CLTCL1: variants seen among roughly 807,000 people sequenced by gnomAD.
CLTCL1 encodes the protein clathrin heavy chain like 1, also known as clathrin heavy chain 2.
Under a neutral mutation model 190.0 loss-of-function variants are expected in CLTCL1, and 159 were observed. That is an observed-to-expected ratio of 0.84 (90% CI 0.74 to 0.95). The LOEUF is 0.95. CLTCL1 is among the 40% of genes least tolerant of loss of function. The pLI is 0.00. For synonymous variants in CLTCL1, 752 were observed against 769.6 expected (o/e 0.98, Z 0.38); for missense variants, 1,878 against 2,033.4 (o/e 0.92, Z 1.47).
At chr22:19,221,091 G>A (rs1317562120) in intron 17 of CLTCL1, among the ~76,000 whole-genome samples, 5 of 152,178 alleles carry the variant, frequency 3.3e-5, no homozygotes, top group Non-Finnish European at 7.3e-5. Context: ...AGGAGCTCAC[G>A]AGTCAGGCCA....
intron 3 of CLTCL1, among the ~76,000 whole-genome samples, chr22:19,245,227 T>G (rs1369139101): frequency 1.5e-5 from 2 of 137,022 alleles, no homozygotes; most frequent in Admixed American, 1.6e-4. Context: ...AGTCTGGCTC[T>G]CTCTCACCCA....
At chr22:19,258,623 G>A in intron 2 of CLTCL1, 1 of 630,526 alleles carries the variant, frequency 1.6e-6, no homozygotes, top group Admixed American at 2.1e-5. Context: ...GGAACATCCA[G>A]GTCAATCTGG....
At chr22:19,246,173 C>CCTCA (rs1356822056) in intron 3 of CLTCL1, among the ~76,000 whole-genome samples, 9 of 152,074 alleles carry the variant, frequency 5.9e-5, no homozygotes, top group Non-Finnish European at 1.2e-4. Context: ...AATTCTCCTG[C>CCTCA]CTCAGCCTCC....
chr22:19,217,856 A>G (rs1412794585), intron 18 of CLTCL1, among the ~76,000 whole-genome samples: 1 of 150,932 alleles, frequency 6.6e-6, no homozygotes, highest in Non-Finnish European at 1.5e-5. Context: ...AAAAAGAGAA[A>G]AAAAAAAAAA....
chr22:19,194,447 A>T (rs1372630166), intron 26 of CLTCL1, among the ~76,000 whole-genome samples: 2 of 152,180 alleles, frequency 1.3e-5, no homozygotes, highest in African/African-American at 4.8e-5. Context: ...GCGCCACTGC[A>T]CTCCAGCCTG....
rs1259089704 is a variant in CLTCL1, at chr22:19,242,659, C to T, written c.681+116G>A. 5.2e-5 allele frequency: 60 copies of T among 1,161,816 alleles called. No individual in the cohort carries two copies. In the East Asian group the frequency reaches 1.2e-3, roughly 24 times the overall value. The allele number at this position is 1,161,816 out of a possible 1,614,324, so 72.0% of individuals were successfully genotyped here. On this transcript the variant is annotated intron_variant, in intron 4 of 32. Coordinates refer to ENST00000427926, the MANE Select transcript of CLTCL1 (RefSeq NM_007098.4). Reference sequence around the variant, plus strand: ...TCACGGTGCACAGTTCTCAACACCACCATGAACCTTTCCTCACACAGACAT... The same window carrying T: ...TCACGGTGCACAGTTCTCAACACCATCATGAACCTTTCCTCACACAGACAT...
At chr22:19,247,683 C>T (rs2086462408) in intron 3 of CLTCL1, among the ~76,000 whole-genome samples, 1 of 151,968 alleles carries the variant, frequency 6.6e-6, no homozygotes, top group Non-Finnish European at 1.5e-5. Flanking sequence ...GCCTCAGCCT[C>T]CCAAGTAGCT....
At chr22:19,290,171 G>T (rs1176577432) in intron 1 of CLTCL1, among the ~76,000 whole-genome samples, 2 of 152,122 alleles carry the variant, frequency 1.3e-5, no homozygotes, top group Non-Finnish European at 2.9e-5. Context: ...TTGCTTTCTT[G>T]CCCTTTGAAA....
intron 29 of CLTCL1, among the ~76,000 whole-genome samples, chr22:19,185,377 A>G (rs1243136939): frequency 6.9e-6 from 1 of 145,064 alleles, no homozygotes; most frequent in African/African-American, 2.6e-5. Context: ...CCCAGGCTGG[A>G]GTGCAGTGGC....
chr22:19,191,796 C>G (rs1478083460), intron 26 of CLTCL1, among the ~76,000 whole-genome samples: 5 of 152,194 alleles, frequency 3.3e-5, no homozygotes, highest in Non-Finnish European at 7.3e-5. Flanking sequence ...TCCATCCAAG[C>G]AAGATTACTC....
intron 1 of CLTCL1, among the ~76,000 whole-genome samples, chr22:19,276,183 G>A (rs2087498185): frequency 1.3e-5 from 2 of 152,158 alleles, no homozygotes; most frequent in Non-Finnish European, 2.9e-5. Flanking sequence ...ACCGAGGAGA[G>A]CTTTGGGAGG....
chr22:19,207,229 T>G (rs1291723842), intron 22 of CLTCL1, among the ~76,000 whole-genome samples: 2 of 151,668 alleles, frequency 1.3e-5, no homozygotes, highest in African/African-American at 2.4e-5. Context: ...GTTGACCAGG[T>G]TGGTCGCAAA....
Position 19,221,551 on chromosome 22 carries a change from G to A in CLTCL1, c.2622C>T (p.Ala874=). The A allele has an allele frequency of 6.2e-7, 1 of 1,604,892 alleles. No homozygotes were observed. Among genetic ancestry groups the A allele is most frequent in the South Asian group, 1.1e-5 (1 of 89,148 alleles). ...SQIQEGCEEP[A]THNALAKIYI... The stretch of plus-strand genomic sequence containing the variant: ...AGATTTTAGCCAGTGCATTGTGAGT[G>A]GCAGGCTCCTCACAGCCTTCCTGAA... The change falls in exon 17 of 33, where the codon GCC becomes GCT. Residue 874 remains alanine (A), a synonymous_variant. Transcript: ENST00000427926.
intron 18 of CLTCL1, among the ~76,000 whole-genome samples, chr22:19,219,520 G>A (rs1375728389): frequency 6.6e-6 from 1 of 150,462 alleles, no homozygotes; most frequent in Admixed American, 6.6e-5. Flanking sequence ...GTCTCTGTCT[G>A]TCGCCCAGGC....
chr22:19,195,633 C>G (rs1387658358), intron 26 of CLTCL1, among the ~76,000 whole-genome samples: 2 of 151,682 alleles, frequency 1.3e-5, no homozygotes, highest in African/African-American at 4.8e-5. Flanking sequence ...CTTCACCAAA[C>G]TCACATACAG....
At chr22:19,231,484 T>C (rs1654645663) in intron 10 of CLTCL1, among the ~76,000 whole-genome samples, 1 of 152,262 alleles carries the variant, frequency 6.6e-6, no homozygotes, top group Non-Finnish European at 1.5e-5. Flanking sequence ...TCTGTCTCTC[T>C]GCAGCATCTT....
chr22:19,228,100 C>T (rs2085808475), intron 11 of CLTCL1, among the ~76,000 whole-genome samples: 1 of 152,150 alleles, frequency 6.6e-6, no homozygotes, highest in African/African-American at 2.4e-5. Flanking sequence ...CACAGAGTGA[C>T]CACAGCCACT....
rs1369200450 is a variant in CLTCL1 at position 19,234,592 on chromosome 22, T to C, written c.1084A>G (p.Lys362Glu). ...GTATTGAATTTTCTCACAAACAACTTCTCTGCCCCAGCCAGGTTACTACGA... is the reference window on the plus strand; with the variant it reads ...GTATTGAATTTTCTCACAAACAACTCCTCTGCCCCAGCCAGGTTACTACGA... The part of the protein sequence containing the change: ...AVRSNLAGAE[K>E]LFVRKFNTLF... Residue 362 changes from lysine to glutamate, a missense_variant, in exon 7 of 33, where the codon AAG (lysine) becomes GAG (glutamate). Lys to Glu is a moderately conservative substitution (Grantham distance 56). Coordinates refer to ENST00000427926, the MANE Select transcript of CLTCL1 (RefSeq NM_007098.4). 6.2e-7 allele frequency: 1 copy of C among 1,613,996 alleles called. No individual in the cohort carries two copies. Among genetic ancestry groups the C allele is most frequent in the Admixed American group, 1.7e-5 (1 of 60,018 alleles).
chr22:19,251,299 T>C (rs782680495), intron 3 of CLTCL1, among the ~76,000 whole-genome samples: 45 of 152,188 alleles, frequency 3.0e-4, no homozygotes, highest in Admixed American at 5.2e-4. Context: ...AGGAACACAA[T>C]TGATGTTTGC....
Sources: allele counts gnomAD v4.1 joint callset (sites outside exome capture counted in the v4.1 genomes callset), GRCh38; gene constraint gnomAD v4.1.1; transcripts MANE v1.5; gene names NCBI Gene and HGNC (gene_info 2026-07-23, HGNC 2026-07-21).